Variants in RP1 observed in about 807,000 individuals in gnomAD.
RP1 encodes the protein oxygen-regulated protein 1.
A neutral mutation model predicts 14.8 loss-of-function variants in RP1; 16 were observed. The observed-to-expected ratio is 1.08, with a 90% CI of 0.73 to 1.65. RP1 has a LOEUF of 1.65. Among genes scored for constraint, RP1 ranks in the 40% most tolerant of loss-of-function variants. The probability of loss-of-function intolerance (pLI) is 0.00; values close to 1 mark genes in which losing one functional copy is unlikely to be tolerated. For synonymous variants in RP1, 876 were observed against 883.6 expected (o/e 0.99, Z 0.15); for missense variants, 2,631 against 2,535.0 (o/e 1.04, Z -0.81).
chr8:54,593,204 T>C (rs1010314435), intron 1 of RP1, among the ~76,000 whole-genome samples: 1 of 152,208 alleles, frequency 6.6e-6, no homozygotes, highest in South Asian at 2.1e-4. Context: ...TCAAAATTCA[T>C]TGATGACTGA....
At chr8:54,688,647 C>T (rs1053633704) in intron 12 of RP1, among the ~76,000 whole-genome samples, 4 of 152,042 alleles carry the variant, frequency 2.6e-5, no homozygotes, top group Non-Finnish European at 4.4e-5. Context: ...ATTTCTGAGG[C>T]CTCTGCTCTG....
chr8:54,815,283 C>T lies in RP1; in HGVS notation c.3616-22167C>T, dbSNP rs567102178. 7.9e-5 allele frequency among the ~76,000 whole-genome samples: 12 copies of T among 152,176 alleles called. No individual in the cohort carries two copies. In the East Asian group the frequency reaches 1.4e-3, roughly 17 times the overall value. ...TCCAAACCCCTCAAATTGTATATAT[C>T]AAATATGCAAAATTTTTGCAAATCA... On this transcript the variant is annotated intron_variant, in intron 24 of 28. Transcript: ENST00000637698.
At chr8:54,802,018 A>G (rs943620384) in intron 24 of RP1, among the ~76,000 whole-genome samples, 2 of 152,126 alleles carry the variant, frequency 1.3e-5, no homozygotes, top group African/African-American at 4.8e-5. Context: ...TTTTCTTTTT[A>G]TTAGATTTTT....
Position 54,630,015 on chromosome 8 carries a change from G to T in RP1, c.6133G>T (p.Gly2045Cys). 3 of 1,613,928 alleles carry T rather than the reference G, an allele frequency of 1.9e-6. No individual in the cohort carries two copies. Among genetic ancestry groups the T allele is most frequent in the Non-Finnish European group, 1.7e-6 (2 of 1,179,946 alleles). The change falls in exon 4 of 4, where the codon GGT (glycine) becomes TGT (cysteine). Residue 2045 changes from glycine to cysteine, a missense_variant. By Grantham distance (159) the Gly-to-Cys change is radical (BLOSUM62 -3). Coordinates refer to ENST00000220676, the MANE Select transcript of RP1 (RefSeq NM_006269.2). ...CTTGCACACATCATTGTTAGTTGTG[G>T]GTAATGTGGATTCAAATACACAAGA... is the stretch of plus-strand genomic sequence containing the variant. ...NFLHTSLLVV[G>C]NVDSNTQDLS...
exon 19 of RP1, chr8:54,738,998 C>A: frequency 6.5e-7 from 1 of 1,530,864 alleles, no homozygotes; most frequent in Non-Finnish European, 8.7e-7. Flanking sequence ...CATGATGGAA[C>A]CAGTGAGCAA....
chr8:54,629,980 G>C lies in RP1; in HGVS notation c.6098G>C (p.Cys2033Ser). 1 of 1,613,778 alleles carries C rather than the reference G, an allele frequency of 6.2e-7. No individual in the cohort carries two copies. Among genetic ancestry groups the C allele is most frequent in the Non-Finnish European group, 8.5e-7 (1 of 1,179,868 alleles). Reference sequence around the variant, plus strand: ...CAACCAGATTTGAAGGAAAGGTTTTGTATGAATTTCTTGCACACATCATTG... The same window carrying C: ...CAACCAGATTTGAAGGAAAGGTTTTCTATGAATTTCTTGCACACATCATTG... ...KFQPDLKERF[C>S]MNFLHTSLLV... The change falls in exon 4 of 4, where the codon TGT (cysteine) becomes TCT (serine). Residue 2033 changes from cysteine to serine, a missense_variant. Physicochemically the swap from Cys to Ser is moderately radical, Grantham distance 112. Transcript: ENST00000220676.
chr8:54,794,212 C>T (rs953495063), intron 24 of RP1, among the ~76,000 whole-genome samples: 1 of 151,710 alleles, frequency 6.6e-6, no homozygotes, highest in East Asian at 1.9e-4. Flanking sequence ...AAAAAACAAT[C>T]CAAAATTTCA....
intron 24 of RP1, among the ~76,000 whole-genome samples, chr8:54,809,899 C>T (rs576667621): frequency 6.6e-6 from 1 of 152,264 alleles, no homozygotes; most frequent in South Asian, 2.1e-4. Flanking sequence ...TGTCAGTATT[C>T]CAGTTGGCAA....
chr8:54,827,333 T>A (rs1585726176), intron 24 of RP1, among the ~76,000 whole-genome samples: 1 of 71,288 alleles, frequency 1.4e-5, no homozygotes, highest in Non-Finnish European at 3.4e-5. Context: ...ATAGTGTATT[T>A]TTTTTTTTTT....
chr8:54,854,165 T>A (rs927176748), intron 26 of RP1, among the ~76,000 whole-genome samples: 4 of 152,168 alleles, frequency 2.6e-5, no homozygotes, highest in Non-Finnish European at 5.9e-5. Flanking sequence ...TCTAATTATA[T>A]AATTTATGTG....
intron 1 of RP1, among the ~76,000 whole-genome samples, chr8:54,591,424 C>A (rs1183036336): frequency 6.6e-6 from 1 of 152,010 alleles, no homozygotes; most frequent in Non-Finnish European, 1.5e-5. Flanking sequence ...TCTTCTGTAT[C>A]TTTGAATAGT....
chr8:54,593,934 G>C (rs1805089735), intron 1 of RP1, among the ~76,000 whole-genome samples: 1 of 152,258 alleles, frequency 6.6e-6, no homozygotes, highest in Non-Finnish European at 1.5e-5. Flanking sequence ...AGTTGCAGAG[G>C]AAGGTGAAAG....
intron 24 of RP1, among the ~76,000 whole-genome samples, chr8:54,790,952 GA>G (rs771756778): frequency 6.6e-6 from 1 of 152,158 alleles, no homozygotes; most frequent in East Asian, 1.9e-4. Context: ...AATGATTACT[GA>G]AAACCTTGCA....
At chr8:54,708,634 C>G (rs748422981) in intron 15 of RP1, among the ~76,000 whole-genome samples, 4 of 152,124 alleles carry the variant, frequency 2.6e-5, no homozygotes, top group Non-Finnish European at 4.4e-5. Context: ...GCTGGGATTA[C>G]AGGCGTGAGC....
chr8:54,702,848 A>G (rs1808058170), intron 14 of RP1, among the ~76,000 whole-genome samples: 1 of 152,224 alleles, frequency 6.6e-6, no homozygotes, highest in Non-Finnish European at 1.5e-5. Context: ...TGTTCACAGT[A>G]TCTTCATCAG....
intron 24 of RP1, among the ~76,000 whole-genome samples, chr8:54,808,122 T>C (rs1473439989): frequency 1.3e-5 from 2 of 152,168 alleles, no homozygotes; most frequent in Non-Finnish European, 2.9e-5. Flanking sequence ...AACAACCGAA[T>C]GAACAGGGGC....
At chr8:54,606,981 G>A (rs932591507) in intron 1 of RP1, among the ~76,000 whole-genome samples, 7 of 151,946 alleles carry the variant, frequency 4.6e-5, no homozygotes, top group African/African-American at 1.7e-4. Flanking sequence ...TCTTTGCCAT[G>A]GGTTCGAACC....
chr8:54,857,062 G>C, exon 27 of RP1: 1 of 1,218,828 alleles, frequency 8.2e-7, no homozygotes, highest in Non-Finnish European at 1.0e-6. Flanking sequence ...GTATCTCTCG[G>C]AAAATTGAAG....
chr8:54,828,208 A>G (rs1428745366), intron 24 of RP1, among the ~76,000 whole-genome samples: 1 of 152,244 alleles, frequency 6.6e-6, no homozygotes. Context: ...AGCATAGTAA[A>G]TATATAAACC....
Sources: gnomAD v4.1 joint callset for allele counts (sites outside exome capture counted in the v4.1 genomes callset) on GRCh38, gnomAD v4.1.1 for gene constraint, MANE v1.5 for transcripts, NCBI Gene and HGNC (gene_info 2026-07-23, HGNC 2026-07-21) for gene names.